The following IFT43 variants were observed in gnomAD, a reference collection of about 807,000 sequenced individuals.
The protein encoded by IFT43 is intraflagellar transport 43, also known as intraflagellar transport protein 43 homolog.
Under a neutral mutation model 32.3 loss-of-function variants are expected in IFT43, and 33 were observed. That is an observed-to-expected ratio of 1.02 (90% confidence interval 0.77 to 1.37). IFT43 has a LOEUF of 1.37. IFT43 is among the 40% of genes most tolerant of loss of function. The probability of loss-of-function intolerance (pLI) is 0.00; values close to 1 mark genes in which losing one functional copy is unlikely to be tolerated. For synonymous variants in IFT43, 93 were observed against 98.2 expected, an observed-to-expected ratio of 0.95 and a Z score of 0.31; for missense variants, 274 against 265.9, an observed-to-expected ratio of 1.03 and a Z score of -0.21.
At chr14:76,059,544 T>C in intron 5 of IFT43, 171 bp downstream of exon 5, 1 of 676,532 alleles carries the variant, frequency 1.5e-6, no homozygotes, top group Non-Finnish European at 2.7e-6. Flanking sequence ...CACCTCTACC[T>C]GGAGTATCTC....
intron 2 of IFT43, among the ~76,000 whole-genome samples, chr14:75,999,256 TATATATATATATATA>T (rs2035822354): frequency 9.0e-4 from 11 of 12,164 alleles, no homozygotes; most frequent in African/African-American, 3.4e-3. Flanking sequence ...TATATATATA[TATATATATATATATA>T]TGTATATATA....
intron 2 of IFT43, among the ~76,000 whole-genome samples, chr14:76,002,881 C>T (rs748609017): frequency 6.6e-6 from 1 of 152,134 alleles, no homozygotes; most frequent in Non-Finnish European, 1.5e-5. Flanking sequence ...CAACGAAGTC[C>T]GTGGGGGAAG....
chr14:76,014,979 G>A (rs1332066855), intron 2 of IFT43, among the ~76,000 whole-genome samples: 1 of 152,154 alleles, frequency 6.6e-6, no homozygotes, highest in Non-Finnish European at 1.5e-5. Context: ...TTTCGTACAG[G>A]CCTGATACAC....
intron 7 of IFT43, 98 bp downstream of exon 7, chr14:76,082,790 A>C (rs1034469611): frequency 2.2e-6 from 2 of 915,122 alleles, no homozygotes; most frequent in East Asian, 2.4e-5. Context: ...CAGCGCCTCC[A>C]CCAGTCCCCT....
intron 5 of IFT43, among the ~76,000 whole-genome samples, chr14:76,080,407 G>A (rs1312853412): frequency 6.6e-6 from 1 of 152,222 alleles, no homozygotes; most frequent in Non-Finnish European, 1.5e-5. Flanking sequence ...AGCCTGTGGG[G>A]AGTGAGAGTG....
chr14:76,056,581 A>G (rs1172294970), intron 3 of IFT43, among the ~76,000 whole-genome samples: 1 of 151,966 alleles, frequency 6.6e-6, no homozygotes, highest in Non-Finnish European at 1.5e-5. Flanking sequence ...TCCTGAGGGT[A>G]ATTGGAGACA....
intron 2 of IFT43, among the ~76,000 whole-genome samples, chr14:75,992,658 G>C (rs2035666451): frequency 6.6e-6 from 1 of 152,124 alleles, no homozygotes; most frequent in African/African-American, 2.4e-5. Context: ...CGATCCTCCA[G>C]TCACAGTCTC....
At chr14:76,082,857 A>G (rs1164138683) in intron 7 of IFT43, among the ~76,000 whole-genome samples, 165 bp downstream of exon 7, 1 of 152,034 alleles carries the variant, frequency 6.6e-6, no homozygotes, top group Non-Finnish European at 1.5e-5. Context: ...CATTCATCTC[A>G]CAGCAACCCT....
intron 5 of IFT43, among the ~76,000 whole-genome samples, chr14:76,066,896 A>G (rs1333518583): frequency 6.6e-6 from 1 of 152,206 alleles, no homozygotes; most frequent in Non-Finnish European, 1.5e-5. Flanking sequence ...TCCTTCCACC[A>G]CCAGCCTTGG....
At chr14:76,055,386 C>T (rs1473557138) in intron 3 of IFT43, among the ~76,000 whole-genome samples, 1 of 151,600 alleles carries the variant, frequency 6.6e-6, no homozygotes, top group Non-Finnish European at 1.5e-5. Flanking sequence ...TAAAAATATA[C>T]TTCATGACTG....
intron 3 of IFT43, among the ~76,000 whole-genome samples, chr14:76,032,501 G>T (rs1229580809): frequency 1.3e-5 from 2 of 152,006 alleles, no homozygotes; most frequent in Non-Finnish European, 2.9e-5. Context: ...TCGCTCTGTG[G>T]TCCCCATTGC....
At chr14:76,049,104 C>T (rs2036863734) in intron 3 of IFT43, among the ~76,000 whole-genome samples, 1 of 152,234 alleles carries the variant, frequency 6.6e-6, no homozygotes. Flanking sequence ...AGCAATTAAA[C>T]ATGAATTGAA....
intron 2 of IFT43, among the ~76,000 whole-genome samples, chr14:76,001,997 C>T (rs1012248805): frequency 6.6e-6 from 1 of 152,208 alleles, no homozygotes; most frequent in Non-Finnish European, 1.5e-5. Context: ...CCTTTTATCC[C>T]AGCACTTTGG....
chr14:76,058,164 G>A (rs531373307), intron 3 of IFT43: 14 of 224,106 alleles, frequency 6.2e-5, no homozygotes, highest in Non-Finnish European at 1.2e-4. Context: ...AGGTCCTCTC[G>A]TCCTTCGTGT....
At chr14:76,061,172 C>T (rs1288556647) in intron 5 of IFT43, among the ~76,000 whole-genome samples, 1 of 152,156 alleles carries the variant, frequency 6.6e-6, no homozygotes, top group Non-Finnish European at 1.5e-5. Flanking sequence ...TGAGCCACCT[C>T]GCCTGGCCTA....
intron 3 of IFT43, among the ~76,000 whole-genome samples, chr14:76,041,081 T>C (rs1476947934): frequency 6.6e-6 from 1 of 152,226 alleles, no homozygotes; most frequent in Non-Finnish European, 1.5e-5. Flanking sequence ...GCTCCCACCT[T>C]CCTCTCTGGC....
intron 5 of IFT43, among the ~76,000 whole-genome samples, chr14:76,080,789 A>C (rs1409118250): frequency 2.0e-5 from 3 of 152,244 alleles, no homozygotes; most frequent in African/African-American, 7.2e-5. Context: ...AATTTCTATT[A>C]GCATAAGAAA....
intron 2 of IFT43, among the ~76,000 whole-genome samples, chr14:75,995,477 T>C (rs182065303): frequency 1.3e-5 from 2 of 152,260 alleles, no homozygotes; most frequent in African/African-American, 2.4e-5. Flanking sequence ...AACTGAAAGT[T>C]AGCCAGATTC....
chr14:76,063,630 A>AT (rs2037180922), intron 5 of IFT43, among the ~76,000 whole-genome samples: 1 of 152,134 alleles, frequency 6.6e-6, no homozygotes, highest in African/African-American at 2.4e-5. Context: ...AGTACCATGT[A>AT]TTTTTCCTCC....
Sources: allele counts gnomAD v4.1 joint callset (sites outside exome capture counted in the v4.1 genomes callset), GRCh38; gene constraint gnomAD v4.1.1; transcripts MANE v1.5; gene names NCBI Gene and HGNC (gene_info 2026-07-23, HGNC 2026-07-21).